Variants in ROBO2 observed in about 807,000 individuals in gnomAD.
ROBO2 encodes the protein roundabout homolog 2.
ROBO2 carries 53 observed loss-of-function variants against 160.8 expected under a neutral mutation model. The ratio of observed to expected loss-of-function variants is 0.33; its 90% CI spans 0.26 to 0.41. The LOEUF (loss-of-function observed/expected upper bound fraction) is 0.41, where lower values mean the gene tolerates loss of function less well. Ranked by LOEUF, ROBO2 falls within the 10% of genes least tolerant of loss-of-function variation. The pLI, the probability that ROBO2 is intolerant of heterozygous loss-of-function variation, is 1.00. For synonymous variants in ROBO2, 664 were observed against 611.7 expected (o/e 1.09, Z -1.26); for missense variants, 1,577 against 1,722.4 (o/e 0.92, Z 1.49).
chr3:76,209,658 A>G (rs1703020795), intron 2 of ROBO2, among the ~76,000 whole-genome samples: 2 of 152,272 alleles, frequency 1.3e-5, no homozygotes, highest in East Asian at 3.9e-4. Flanking sequence ...GACATCAAAT[A>G]ATATTCTAGG....
rs569965155 is a variant in ROBO2 at position 76,499,255 on chromosome 3, T to C, written c.109+561653T>C. Among the ~76,000 whole-genome samples the C allele has an allele frequency of 1.3e-4, 20 of 152,242 alleles. 1 individual carries two copies. The highest frequency in any genetic ancestry group is 1.0e-3 in the Admixed American group (16 of 15,280). ...GCTTTGTATAGGTAATGCCCTTTAC[T>C]GAAAAGTAGGGGAAAATATAATACA... On this transcript the variant is annotated intron_variant, in intron 2 of 26. Transcript: ENST00000487694.
chr3:76,141,143 C>CTATA (rs1382221788), intron 2 of ROBO2, among the ~76,000 whole-genome samples: 1 of 60,856 alleles, frequency 1.6e-5, no homozygotes, highest in Non-Finnish European at 3.0e-5. Flanking sequence ...CTCTCTCTCT[C>CTATA]TCTCTCTCTC....
At position 77,495,660 on chromosome 3, in the gene ROBO2, G is replaced by A. The variant is rs79040717; in HGVS notation, c.806+2278G>A. 2.7e-3 allele frequency among the ~76,000 whole-genome samples: 416 copies of A among 152,210 alleles called. 3 individuals are homozygous for A. In the East Asian group the frequency reaches 0.036, roughly 13 times the overall value. On this transcript the variant is annotated intron_variant, in intron 5 of 25. Coordinates refer to ENST00000461745, the Ensembl canonical transcript of ROBO2. ...AATGTGCCCCAAACTTGGATTAGCC[G>A]GATTAGACTGCGTTTATAGGTTTTT...
intron 2 of ROBO2, among the ~76,000 whole-genome samples, chr3:75,956,107 G>C (rs1948716992): frequency 1.3e-5 from 2 of 151,754 alleles, no homozygotes; most frequent in Non-Finnish European, 1.5e-5. Context: ...GGTGAATTAT[G>C]TCAAATTTAT....
chr3:77,480,244 T>C (rs1006497467), intron 3 of ROBO2, among the ~76,000 whole-genome samples: 3 of 152,100 alleles, frequency 2.0e-5, no homozygotes, highest in African/African-American at 7.2e-5. Context: ...TGTTCTTATC[T>C]TGTATTTCTT....
chr3:77,320,633 A>G (rs1345718600), intron 2 of ROBO2, among the ~76,000 whole-genome samples: 1 of 152,102 alleles, frequency 6.6e-6, no homozygotes, highest in Non-Finnish European at 1.5e-5. Context: ...ACTGATTTGT[A>G]TGTTGGCCAA....
rs187560103 is a variant in ROBO2 at position 76,098,379 on chromosome 3, A to G, written c.109+160777A>G. On this transcript the variant is annotated intron_variant, in intron 2 of 26. Coordinates refer to the ROBO2 transcript ENST00000487694. ...CTCTGTAACTATGTTTTTAGATTTTACATATTGTAAATTTTATTTTTGATA... is the reference window on the plus strand; with the variant it reads ...CTCTGTAACTATGTTTTTAGATTTTGCATATTGTAAATTTTATTTTTGATA... Among the ~76,000 whole-genome samples, 73 of 152,300 alleles carry G rather than the reference A, an allele frequency of 4.8e-4. 1 individual carries two copies. The highest frequency in any genetic ancestry group is 2.7e-3 in the Admixed American group (41 of 15,296).
At chr3:76,514,695 G>T (rs1413193892) in intron 2 of ROBO2, among the ~76,000 whole-genome samples, 1 of 152,024 alleles carries the variant, frequency 6.6e-6, no homozygotes, top group Non-Finnish European at 1.5e-5. Flanking sequence ...CTAAATGTCA[G>T]TTTTCCCTGA....
intron 2 of ROBO2, among the ~76,000 whole-genome samples, chr3:76,703,930 T>G (rs979799919): frequency 1.3e-5 from 2 of 152,050 alleles, no homozygotes; most frequent in Non-Finnish European, 2.9e-5. Context: ...ATGTTGAGAA[T>G]TAAAATGTTA....
chr3:76,895,255 G>A (rs997381835), intron 2 of ROBO2, among the ~76,000 whole-genome samples: 12 of 151,778 alleles, frequency 7.9e-5, no homozygotes, highest in South Asian at 2.1e-4. Context: ...CAACTCCTTC[G>A]GGTAAAATAA....
intron 2 of ROBO2, among the ~76,000 whole-genome samples, chr3:77,338,235 A>G (rs2066692170): frequency 6.6e-6 from 1 of 152,174 alleles, no homozygotes; most frequent in Non-Finnish European, 1.5e-5. Flanking sequence ...TTACTTCAGC[A>G]TTTCCACATT....
intron 2 of ROBO2, among the ~76,000 whole-genome samples, chr3:77,243,320 A>G (rs911817162): frequency 4.6e-5 from 7 of 152,214 alleles, no homozygotes; most frequent in Non-Finnish European, 8.8e-5. Flanking sequence ...CCTTTGAATA[A>G]TCATTTAGAT....
chr3:75,969,549 C>A (rs2064929796), intron 2 of ROBO2, among the ~76,000 whole-genome samples: 1 of 151,544 alleles, frequency 6.6e-6, no homozygotes, highest in Admixed American at 6.6e-5. Context: ...ACATGAGTTT[C>A]CTTTTTCCAC....
intron 23 of ROBO2, chr3:77,629,905 T>A (rs1260987711): frequency 6.6e-6 from 1 of 152,154 alleles, no homozygotes; most frequent in Non-Finnish European, 1.5e-5. Context: ...AAACATGAAA[T>A]AGTTCCTAAT....
chr3:76,485,783 T>A (rs894157374), intron 2 of ROBO2, among the ~76,000 whole-genome samples: 3 of 152,184 alleles, frequency 2.0e-5, no homozygotes, highest in Non-Finnish European at 4.4e-5. Context: ...TAGGCTACTA[T>A]TGCTTTGGTG....
intron 21 of ROBO2, among the ~76,000 whole-genome samples, chr3:77,614,722 A>AAACC (rs71709284): frequency 0.084 from 12,603 of 149,240 alleles, 685 homozygotes; most frequent in Middle Eastern, 0.14. Context: ...TTCCCCCAAA[A>AAACC]AACCAACCAA....
chr3:77,220,630 A>G (rs2151192275), intron 2 of ROBO2, among the ~76,000 whole-genome samples: 1 of 152,270 alleles, frequency 6.6e-6, no homozygotes, highest in East Asian at 1.9e-4. Flanking sequence ...TTAAATGGAC[A>G]TTTTCCTAAT....
intron 2 of ROBO2, among the ~76,000 whole-genome samples, chr3:77,398,174 G>A (rs1277807267): frequency 6.6e-6 from 1 of 152,048 alleles, no homozygotes; most frequent in Non-Finnish European, 1.5e-5. Flanking sequence ...GGGTTTAATT[G>A]AGCTTTAGAC....
chr3:76,598,413 G>A (rs181453720), intron 2 of ROBO2, among the ~76,000 whole-genome samples: 68 of 152,206 alleles, frequency 4.5e-4, no homozygotes, highest in Admixed American at 3.3e-3. Context: ...TGATAAAATT[G>A]TGTAGAACTA....
Sources: allele counts gnomAD v4.1 joint callset (sites outside exome capture counted in the v4.1 genomes callset), GRCh38; gene constraint gnomAD v4.1.1; transcripts MANE v1.5; gene names NCBI Gene and HGNC (gene_info 2026-07-23, HGNC 2026-07-21).